The following KIFAP3 variants were observed in gnomAD, a reference collection of about 807,000 sequenced individuals.
The protein encoded by KIFAP3 is kinesin associated protein 3.
A neutral mutation model predicts 106.5 loss-of-function variants in KIFAP3; 68 were observed. That is an observed-to-expected ratio of 0.64 (90% CI 0.53 to 0.78). The LOEUF (loss-of-function observed/expected upper bound fraction) is 0.78. Ranked by LOEUF, KIFAP3 falls within the 30% of genes least tolerant of loss-of-function variation. KIFAP3 has a pLI of 0.00. For missense variants in KIFAP3, 780 were observed against 941.8 expected (o/e 0.83, Z 2.25); for synonymous variants, 320 against 311.5 (o/e 1.03, Z -0.29).
At chr1:170,044,394 C>G (rs1228198811) in intron 3 of KIFAP3, among the ~76,000 whole-genome samples, 1 of 152,154 alleles carries the variant, frequency 6.6e-6, no homozygotes, top group African/African-American at 2.4e-5. Context: ...GGAACAAATT[C>G]TCCATGTGAT....
intron 10 of KIFAP3, among the ~76,000 whole-genome samples, chr1:170,000,387 G>A (rs1023006439): frequency 6.6e-6 from 1 of 152,086 alleles, no homozygotes; most frequent in African/African-American, 2.4e-5. Context: ...GGATAGAATA[G>A]CATTAAGGTG....
At chr1:170,052,527 A>C (rs1284000991) in intron 2 of KIFAP3, among the ~76,000 whole-genome samples, 1 of 152,196 alleles carries the variant, frequency 6.6e-6, no homozygotes, top group Non-Finnish European at 1.5e-5. Flanking sequence ...AACCTGGCAG[A>C]GACACAACAA....
At chr1:170,066,044 T>C (rs1450108406) in intron 1 of KIFAP3, among the ~76,000 whole-genome samples, 1 of 152,044 alleles carries the variant, frequency 6.6e-6, no homozygotes, top group Non-Finnish European at 1.5e-5. Context: ...GTAGATGTTT[T>C]CACTATACTT....
intron 1 of KIFAP3, among the ~76,000 whole-genome samples, chr1:170,084,160 T>C (rs1292833380): frequency 6.6e-6 from 1 of 152,194 alleles, no homozygotes; most frequent in East Asian, 1.9e-4. Flanking sequence ...TCAGTCTGGG[T>C]TGCATTGGGA....
At chr1:170,046,263 T>C (rs190042185) in intron 3 of KIFAP3, among the ~76,000 whole-genome samples, 1 of 141,324 alleles carries the variant, frequency 7.1e-6, no homozygotes, top group East Asian at 2.3e-4. Context: ...ATGAAAGTTA[T>C]ATCTTTAGGA....
Position 169,983,250 on chromosome 1 carries a change from A to G in KIFAP3, c.1506+20T>C. On this transcript the variant is annotated intron_variant, in intron 13 of 19. Transcript: ENST00000361580. ...TTCAATTCCCAGTCTATTTGAATAGAAAGCCAAAATGATACTTACAATAAA... is the reference window on the plus strand; with the variant it reads ...TTCAATTCCCAGTCTATTTGAATAGGAAGCCAAAATGATACTTACAATAAA... The G allele has an allele frequency of 7.0e-7, 1 of 1,436,818 alleles. No individual in the cohort carries two copies. Among genetic ancestry groups the G allele is most frequent in the Non-Finnish European group, 9.7e-7 (1 of 1,032,508 alleles). The allele number at this position is 1,436,818 out of a possible 1,614,324, so 89.0% of individuals were successfully genotyped here. A position where few individuals can be genotyped will look rare whatever the true frequency, so the allele number is the denominator to read the frequency against.
At chr1:170,018,381 A>G (rs1668627881) in intron 9 of KIFAP3, among the ~76,000 whole-genome samples, 1 of 152,200 alleles carries the variant, frequency 6.6e-6, no homozygotes, top group South Asian at 2.1e-4. Context: ...AACTTACTTT[A>G]TAGTAACAGA....
intron 1 of KIFAP3, among the ~76,000 whole-genome samples, chr1:170,057,845 T>C (rs1342647117): frequency 2.0e-5 from 3 of 152,164 alleles, no homozygotes; most frequent in Non-Finnish European, 4.4e-5. Flanking sequence ...AATTGATATC[T>C]TTTAGCTGGT....
chr1:170,056,129 C>T (rs907946780), intron 1 of KIFAP3, among the ~76,000 whole-genome samples: 5 of 151,492 alleles, frequency 3.3e-5, no homozygotes, highest in African/African-American at 4.8e-5. Context: ...AAAAATCAAC[C>T]TGCCCGTTAA....
chr1:169,935,954 T>C (rs1458260475), intron 19 of KIFAP3, among the ~76,000 whole-genome samples: 1 of 151,950 alleles, frequency 6.6e-6, no homozygotes, highest in Non-Finnish European at 1.5e-5. Flanking sequence ...TGGGCTAATA[T>C]TGGAAGATTG....
intron 1 of KIFAP3, among the ~76,000 whole-genome samples, chr1:170,072,351 G>A (rs975884874): frequency 1.3e-5 from 2 of 152,028 alleles, no homozygotes; most frequent in Non-Finnish European, 2.9e-5. Context: ...TAAACCAGAA[G>A]GAAATATAAA....
At chr1:169,984,240 G>A (rs1355498078) in intron 12 of KIFAP3, among the ~76,000 whole-genome samples, 1 of 151,718 alleles carries the variant, frequency 6.6e-6, no homozygotes. Context: ...ATTCTACAAA[G>A]ATATTACAGA....
Position 169,992,168 on chromosome 1 carries a change from T to C in KIFAP3, c.1271A>G (p.Asp424Gly), listed in dbSNP as rs759698042. Residue 424 changes from aspartate (D) to glycine (G), a missense_variant, in exon 11 of 20, where the codon GAC (aspartate) becomes GGC (glycine). Transcript: ENST00000361580. Reference sequence around the variant, plus strand: ...TAAACCACTTACCTGTGGTATACAGTCAGTGTATGCAAACATTGATTTAAA... The same window carrying C: ...TAAACCACTTACCTGTGGTATACAGCCAGTGTATGCAAACATTGATTTAAA... ...DRFKSMFAYT[D>G]CIPQLMKMLF... The C allele has an allele frequency of 2.0e-6, 3 of 1,527,496 alleles. No individual in the cohort carries two copies. The highest frequency in any genetic ancestry group is 2.6e-5 in the South Asian group (2 of 77,682). The allele number at this position is 1,527,496 out of a possible 1,614,324, so 94.6% of individuals were successfully genotyped here.
At chr1:170,041,604 C>G in intron 3 of KIFAP3, 1 of 1,237,440 alleles carries the variant, frequency 8.1e-7, no homozygotes. Flanking sequence ...GGAGATGAGT[C>G]CAAGTGGCTG....
At chr1:169,992,339 C>A (rs1409843324) in intron 10 of KIFAP3, 84 bp from the exon 11 acceptor site, 3 of 553,718 alleles carry the variant, frequency 5.4e-6, no homozygotes, top group Non-Finnish European at 8.7e-6. Flanking sequence ...ACAACTTAAA[C>A]TACTGAATAA....
Position 170,046,704 on chromosome 1 carries a change from C to T in KIFAP3, c.319+8G>A. The T allele has an allele frequency of 6.6e-7, 1 of 1,512,140 alleles. No homozygotes were observed. 93.7% of individuals were successfully genotyped at this position (1,512,140 alleles called of 1,614,324 possible). ...TTGCATTAGGAAGCCAGGAATTCTA[C>T]TACTTACCTTTTCCTGACAATGAAT... is the stretch of plus-strand genomic sequence containing the variant. On this transcript the variant is annotated splice_region_variant and intron_variant, in intron 3 of 19. Coordinates refer to ENST00000361580, the MANE Select transcript of KIFAP3 (RefSeq NM_014970.4).
At chr1:169,926,402 A>C (rs1663132788) in intron 19 of KIFAP3, among the ~76,000 whole-genome samples, 1 of 152,158 alleles carries the variant, frequency 6.6e-6, no homozygotes, top group Non-Finnish European at 1.5e-5. Flanking sequence ...TCAAATGAAG[A>C]AGCTAAAATT....
At chr1:169,940,217 C>T (rs1356423756) in intron 19 of KIFAP3, among the ~76,000 whole-genome samples, 1 of 152,172 alleles carries the variant, frequency 6.6e-6, no homozygotes, top group East Asian at 1.9e-4. Flanking sequence ...GGGTAAGTTG[C>T]TTAAACCTAC....
chr1:169,976,992 T>G (rs1446682119), intron 16 of KIFAP3, among the ~76,000 whole-genome samples: 3 of 148,752 alleles, frequency 2.0e-5, no homozygotes, highest in Non-Finnish European at 4.4e-5. Context: ...CCCAAAGTGC[T>G]GGGATTACAG....
Sources: gnomAD v4.1 joint callset for allele counts (sites outside exome capture counted in the v4.1 genomes callset) on GRCh38, gnomAD v4.1.1 for gene constraint, MANE v1.5 for transcripts, NCBI Gene and HGNC (gene_info 2026-07-23, HGNC 2026-07-21) for gene names.